GRIK4: variants seen among roughly 807,000 people sequenced by gnomAD.
GRIK4 encodes the protein glutamate receptor ionotropic, kainate 4.
In GRIK4, 40 loss-of-function variants were observed where a neutral mutation model predicts 104.9. That is an observed-to-expected ratio of 0.38 (90% CI 0.30 to 0.50). The LOEUF is 0.50. Among genes scored for constraint, GRIK4 ranks in the 20% least tolerant of loss-of-function variants. The probability of loss-of-function intolerance (pLI) is 0.93; values close to 1 mark genes in which losing one functional copy is unlikely to be tolerated. For missense variants in GRIK4, 1,047 were observed against 1,308.1 expected, an observed-to-expected ratio of 0.80 and a Z score of 3.08; for synonymous variants, 485 against 524.9, an observed-to-expected ratio of 0.92 and a Z score of 1.04.
rs1030504328 is a variant in GRIK4 at position 120,549,710 on chromosome 11, G to A, written c.-159+37823G>A. ...CGTGGGCCCCTGGGAGATCTGGGGT[G>A]CAGAGAAGGAGTGGGAGAGGTGGGC... On this transcript the variant is annotated intron_variant, in intron 1 of 20. Coordinates refer to ENST00000527524, the MANE Select transcript of GRIK4 (RefSeq NM_014619.5). This position sits in a 1 kb window ranked among gnomAD's most constrained non-coding sequence, Gnocchi z 4.7. Among the ~76,000 whole-genome samples, 2 of 152,182 alleles carry A rather than the reference G, an allele frequency of 1.3e-5. No homozygotes were observed. The highest frequency in any genetic ancestry group is 4.8e-5 in the African/African-American group (2 of 41,438).
At chr11:120,872,595 T>C (rs1393669959) in intron 9 of GRIK4, 1 of 153,334 alleles carries the variant, frequency 6.5e-6, no homozygotes, top group Admixed American at 6.5e-5. Context: ...TGGAATGTCG[T>C]GTTTCAGTGA....
chr11:120,605,475 TC>T (rs1948948069), intron 1 of GRIK4, among the ~76,000 whole-genome samples: 1 of 152,184 alleles, frequency 6.6e-6, no homozygotes, highest in Non-Finnish European at 1.5e-5. Context: ...GAGGATGACA[TC>T]AAGAAGCAGT....
intron 3 of GRIK4, among the ~76,000 whole-genome samples, chr11:120,672,078 T>A (rs1950027484): frequency 6.6e-6 from 1 of 152,216 alleles, no homozygotes; most frequent in African/African-American, 2.4e-5. Context: ...AGCTTTGTTC[T>A]TTTTGCTTAG....
intron 1 of GRIK4, among the ~76,000 whole-genome samples, chr11:120,538,691 G>A (rs1157660952): frequency 6.6e-6 from 1 of 152,178 alleles, no homozygotes; most frequent in Non-Finnish European, 1.5e-5. Context: ...GAAACTGGCA[G>A]CCCTCCTGGG....
intron 1 of GRIK4, among the ~76,000 whole-genome samples, chr11:120,599,351 G>T (rs1948849576): frequency 6.6e-6 from 1 of 152,208 alleles, no homozygotes; most frequent in Non-Finnish European, 1.5e-5. Flanking sequence ...GGTGGGGAAG[G>T]TCCCTGTTCT....
intron 1 of GRIK4, among the ~76,000 whole-genome samples, chr11:120,629,036 C>T (rs891046879): frequency 3.9e-5 from 6 of 152,120 alleles, no homozygotes; most frequent in Admixed American, 6.5e-5. Context: ...AGGAGGCACG[C>T]GGCCGCTGAT....
At chr11:120,821,242 G>A (rs1404589893) in intron 6 of GRIK4, among the ~76,000 whole-genome samples, 1 of 152,232 alleles carries the variant, frequency 6.6e-6, no homozygotes. Flanking sequence ...CGAGGAGAGT[G>A]TCCCTGAGTA....
chr11:120,841,554 G>A (rs1254295492), intron 8 of GRIK4, among the ~76,000 whole-genome samples: 2 of 152,136 alleles, frequency 1.3e-5, no homozygotes, highest in Non-Finnish European at 2.9e-5. Context: ...TTTGGCTATT[G>A]TGAATAATGC....
chr11:120,518,022 G>A (rs1490208215), intron 1 of GRIK4, among the ~76,000 whole-genome samples: 1 of 152,202 alleles, frequency 6.6e-6, no homozygotes, highest in African/African-American at 2.4e-5. Flanking sequence ...AGGGGAAGCC[G>A]GTATTGGCCG....
intron 1 of GRIK4, among the ~76,000 whole-genome samples, chr11:120,647,248 T>A (rs896580398): frequency 3.3e-5 from 5 of 152,210 alleles, no homozygotes; most frequent in African/African-American, 1.2e-4. Flanking sequence ...ATGTCTGTGC[T>A]CTGATGTTCC....
At chr11:120,641,360 G>C (rs1049029042) in intron 1 of GRIK4, among the ~76,000 whole-genome samples, 1 of 151,008 alleles carries the variant, frequency 6.6e-6, no homozygotes, top group Admixed American at 6.6e-5. Flanking sequence ...ATAGTAAATT[G>C]AACTGTAAAA....
At chr11:120,642,480 T>C (rs78433562) in intron 1 of GRIK4, among the ~76,000 whole-genome samples, 1 of 146,860 alleles carries the variant, frequency 6.8e-6, no homozygotes. Flanking sequence ...CTCTGGGCAT[T>C]TTTTTTTTTT....
At chr11:120,954,858 G>C (rs572095371) in intron 15 of GRIK4, among the ~76,000 whole-genome samples, 1 of 147,606 alleles carries the variant, frequency 6.8e-6, no homozygotes, top group Non-Finnish European at 1.5e-5. Context: ...AGGGTATTCT[G>C]TCTTAAGGTA....
intron 11 of GRIK4, among the ~76,000 whole-genome samples, chr11:120,888,197 A>G (rs749704781): frequency 9.9e-5 from 15 of 152,142 alleles, no homozygotes; most frequent in Admixed American, 2.0e-4. Flanking sequence ...AAGGATTCGA[A>G]TGTTTACTAA....
chr11:120,702,354 G>A (rs975177840), intron 3 of GRIK4, among the ~76,000 whole-genome samples: 1 of 152,188 alleles, frequency 6.6e-6, no homozygotes, highest in African/African-American at 2.4e-5. Flanking sequence ...TGTCTGAGCC[G>A]AATCTTGGTA....
chr11:120,604,970 A>G (rs1651670309), intron 1 of GRIK4, among the ~76,000 whole-genome samples: 1 of 152,138 alleles, frequency 6.6e-6, no homozygotes, highest in Admixed American at 6.5e-5. Flanking sequence ...TTAAGAAATT[A>G]TCCTGTCTCA....
At chr11:120,919,705 A>G (rs1943186218) in intron 13 of GRIK4, among the ~76,000 whole-genome samples, 1 of 152,210 alleles carries the variant, frequency 6.6e-6, no homozygotes, top group Non-Finnish European at 1.5e-5. Flanking sequence ...AATAATTCAA[A>G]GGAAGGCTTT....
intron 1 of GRIK4, among the ~76,000 whole-genome samples, chr11:120,622,369 C>T (rs530174130): frequency 1.6e-4 from 24 of 152,258 alleles, no homozygotes; most frequent in South Asian, 6.2e-4. Flanking sequence ...GTCACACTGC[C>T]TTTAGGGGGC....
intron 1 of GRIK4, among the ~76,000 whole-genome samples, chr11:120,643,292 G>A (rs1369458323): frequency 1.3e-5 from 2 of 152,318 alleles, no homozygotes; most frequent in South Asian, 4.2e-4. Context: ...TTAGAGATTT[G>A]AGTCAAGGCC....
Sources: gnomAD v4.1 joint callset for allele counts (sites outside exome capture counted in the v4.1 genomes callset) on GRCh38, gnomAD v4.1.1 for gene constraint, Gnocchi (gnomAD v3.1) non-coding constraint, MANE v1.5 for transcripts, NCBI Gene and HGNC (gene_info 2026-07-23, HGNC 2026-07-21) for gene names.